The following ADGRB3 variants were observed in gnomAD, a reference collection of about 807,000 sequenced individuals.
The protein encoded by ADGRB3 is adhesion G protein-coupled receptor B3.
In ADGRB3, 37 loss-of-function variants were observed where a neutral mutation model predicts 193.4. The ratio of observed to expected loss-of-function variants is 0.19; its 90% CI spans 0.15 to 0.25. The LOEUF (loss-of-function observed/expected upper bound fraction) is 0.25, where lower values mean the gene tolerates loss of function less well. Among genes scored for constraint, ADGRB3 ranks in the 10% least tolerant of loss-of-function variants. ADGRB3 has a pLI of 1.00. For synonymous variants in ADGRB3, 690 were observed against 644.2 expected, an observed-to-expected ratio of 1.07 and a Z score of -1.08; for missense variants, 1,637 against 1,852.9, an observed-to-expected ratio of 0.88 and a Z score of 2.14.
At chr6:68,949,070 A>G (rs1156543193) in intron 6 of ADGRB3, among the ~76,000 whole-genome samples, 1 of 152,146 alleles carries the variant, frequency 6.6e-6, no homozygotes, top group Non-Finnish European at 1.5e-5. Flanking sequence ...TTGAATAGTA[A>G]AAAATCGATG....
intron 3 of ADGRB3, among the ~76,000 whole-genome samples, chr6:68,726,512 C>G (rs1286403766): frequency 6.6e-6 from 1 of 151,568 alleles, no homozygotes; most frequent in Non-Finnish European, 1.5e-5. Context: ...TTGCTGCCAT[C>G]TGTCTTAAAG....
chr6:69,102,445 T>G (rs1773088431), intron 17 of ADGRB3, among the ~76,000 whole-genome samples: 1 of 152,212 alleles, frequency 6.6e-6, no homozygotes, highest in Non-Finnish European at 1.5e-5. Context: ...CATCTAAAAC[T>G]CCTTTTAAGA....
At chr6:69,032,560 A>G (rs1770744229) in intron 13 of ADGRB3, among the ~76,000 whole-genome samples, 2 of 152,064 alleles carry the variant, frequency 1.3e-5, no homozygotes, top group East Asian at 3.9e-4. Flanking sequence ...AGAGGTATTG[A>G]CTCCCTTTAA....
intron 20 of ADGRB3, among the ~76,000 whole-genome samples, chr6:69,239,581 T>C (rs976625093): frequency 2.6e-5 from 4 of 152,006 alleles, no homozygotes; most frequent in African/African-American, 7.2e-5. Context: ...AAGGCTTTTG[T>C]TTTGGTCTAA....
At chr6:69,289,911 T>C (rs1767631805) in intron 20 of ADGRB3, among the ~76,000 whole-genome samples, 1 of 151,860 alleles carries the variant, frequency 6.6e-6, no homozygotes, top group African/African-American at 2.4e-5. Flanking sequence ...CATTAGAGAA[T>C]CACCTCTTCT....
intron 11 of ADGRB3, among the ~76,000 whole-genome samples, chr6:69,013,441 TA>T (rs1769996270): frequency 6.6e-6 from 1 of 151,968 alleles, no homozygotes; most frequent in African/African-American, 2.4e-5. Flanking sequence ...GGCAGAGGAG[TA>T]AAGAGTAATA....
intron 20 of ADGRB3, among the ~76,000 whole-genome samples, chr6:69,293,311 G>A (rs1767733501): frequency 6.6e-6 from 1 of 152,060 alleles, no homozygotes; most frequent in African/African-American, 2.4e-5. Flanking sequence ...GTGGAGGGGA[G>A]GGTAGAGGTT....
intron 13 of ADGRB3, among the ~76,000 whole-genome samples, chr6:69,033,741 C>A (rs979759841): frequency 6.6e-6 from 1 of 151,838 alleles, no homozygotes. Context: ...TTTTAGATAT[C>A]GTTAAAATTC....
intron 3 of ADGRB3, among the ~76,000 whole-genome samples, chr6:68,783,059 A>T (rs1355206166): frequency 7.0e-5 from 9 of 128,568 alleles, no homozygotes; most frequent in Non-Finnish European, 3.4e-5. Flanking sequence ...CTACCAGCTA[A>T]TATTTATGGA....
At chr6:69,210,171 A>ATATATATATATATATATATATATATATAT (rs1561953604) in intron 17 of ADGRB3, among the ~76,000 whole-genome samples, 1 of 39,372 alleles carries the variant, frequency 2.5e-5, no homozygotes, top group African/African-American at 1.8e-4. Flanking sequence ...TATATATATA[A>ATATATATATATATATATATATATATATAT]AGGGGAGTTT....
chr6:69,093,909 A>G (rs1772790976), intron 17 of ADGRB3, among the ~76,000 whole-genome samples: 1 of 152,196 alleles, frequency 6.6e-6, no homozygotes, highest in South Asian at 2.1e-4. Flanking sequence ...ACAGTTATAG[A>G]AAGCTGTAAA....
chr6:69,074,687 G>A (rs1398692932), intron 16 of ADGRB3, among the ~76,000 whole-genome samples: 1 of 152,010 alleles, frequency 6.6e-6, no homozygotes, highest in Non-Finnish European at 1.5e-5. Context: ...TGGGACTACA[G>A]GCGCCTGCCA....
intron 3 of ADGRB3, among the ~76,000 whole-genome samples, chr6:68,712,072 T>C (rs1013172234): frequency 6.6e-6 from 1 of 152,026 alleles, no homozygotes; most frequent in Non-Finnish European, 1.5e-5. Context: ...TTTTAAAAAG[T>C]AAGAATTAAA....
At chr6:68,894,856 G>A (rs951399) in intron 3 of ADGRB3, among the ~76,000 whole-genome samples, 102,326 of 151,676 alleles carry the variant, frequency 0.67, 35,031 homozygotes, top group Middle Eastern at 0.81. Flanking sequence ...CTCTTGCTAT[G>A]TGAATGAGCT....
chr6:69,253,845 T>C (rs1766684138), intron 20 of ADGRB3, among the ~76,000 whole-genome samples: 1 of 152,132 alleles, frequency 6.6e-6, no homozygotes, highest in African/African-American at 2.4e-5. Context: ...CTTCACCTTG[T>C]TCATTATCAG....
intron 15 of ADGRB3, among the ~76,000 whole-genome samples, chr6:69,057,071 A>AT (rs1412024746): frequency 1.3e-5 from 2 of 151,446 alleles, no homozygotes; most frequent in African/African-American, 4.9e-5. Context: ...CTCTTCCTTC[A>AT]TTTTTTTCAG....
At chr6:69,098,849 T>C (rs1562158574) in intron 17 of ADGRB3, among the ~76,000 whole-genome samples, 1 of 152,230 alleles carries the variant, frequency 6.6e-6, no homozygotes, top group Admixed American at 6.5e-5. Context: ...AAAATTATTA[T>C]AGCTATCTTA....
chr6:69,086,931 T>C (rs537247249), intron 17 of ADGRB3, among the ~76,000 whole-genome samples: 2 of 152,112 alleles, frequency 1.3e-5, no homozygotes, highest in Non-Finnish European at 2.9e-5. Flanking sequence ...TGTGGATATC[T>C]GTGTGCTGAG....
At chr6:69,378,761 A>G (rs951014565) in intron 30 of ADGRB3, among the ~76,000 whole-genome samples, 2 of 152,110 alleles carry the variant, frequency 1.3e-5, no homozygotes, top group African/African-American at 4.8e-5. Flanking sequence ...GAAATATGCT[A>G]TCAGACTTGG....
Sources: gnomAD v4.1 joint callset for allele counts (sites outside exome capture counted in the v4.1 genomes callset) on GRCh38, gnomAD v4.1.1 for gene constraint, MANE v1.5 for transcripts, NCBI Gene and HGNC (gene_info 2026-07-23, HGNC 2026-07-21) for gene names.